The following VAX2 variants were observed in gnomAD, a reference collection of about 807,000 sequenced individuals.
VAX2 encodes ventral anterior homeobox 2.
VAX2 carries 8 observed loss-of-function variants against 12.5 expected under a neutral mutation model. The observed-to-expected ratio is 0.64, with a 90% CI of 0.37 to 1.15. VAX2 has a LOEUF of 1.15. VAX2 is among the 50% of genes most tolerant of loss of function. The pLI is 0.01. For synonymous variants in VAX2, 183 were observed against 187.6 expected (o/e 0.98, Z 0.20); for missense variants, 476 against 412.9 (o/e 1.15, Z -1.32).
At chr2:70,920,227 T>C (rs1438608931) in intron 1 of VAX2, among the ~76,000 whole-genome samples, 1 of 152,200 alleles carries the variant, frequency 6.6e-6, no homozygotes, top group Admixed American at 6.5e-5. Context: ...TAATTTGTAA[T>C]ATAAAATGTT....
At chr2:70,927,745 G>T (rs1380734648) in intron 2 of VAX2, among the ~76,000 whole-genome samples, 1 of 152,028 alleles carries the variant, frequency 6.6e-6, no homozygotes, top group Non-Finnish European at 1.5e-5. Flanking sequence ...TCACAGTGTG[G>T]CCCAGAAAGA....
chr2:70,917,100 G>T (rs532535276), intron 1 of VAX2, among the ~76,000 whole-genome samples: 3 of 142,822 alleles, frequency 2.1e-5, no homozygotes, highest in African/African-American at 8.0e-5. Context: ...GCAGTGAGCC[G>T]AGATCGCGCC....
In VAX2 at chr2:70,904,196, G is replaced by T. The variant is rs1678999134; in HGVS notation, c.247+3328G>T. On this transcript the variant is annotated intron_variant, in intron 1 of 2. Transcript: ENST00000234392. The surrounding 1 kb of genome is among the most constrained non-coding windows in gnomAD (Gnocchi z 4.2). ...CAGTCCCTAGACCAGTGAGGGCGGG[G>T]ACGGGGAAATCCTTTTGTTTTATAT... 6.6e-6 allele frequency among the ~76,000 whole-genome samples: 1 copy of T among 152,240 alleles called. No individual in the cohort carries two copies. Among genetic ancestry groups the T allele is most frequent in the African/African-American group, 2.4e-5 (1 of 41,472 alleles).
At chr2:70,922,462 A>C (rs1679480316) in intron 2 of VAX2, among the ~76,000 whole-genome samples, 1 of 152,078 alleles carries the variant, frequency 6.6e-6, no homozygotes, top group African/African-American at 2.4e-5. Context: ...CCTCAGCATA[A>C]TTCCTCCAGC....
intron 1 of VAX2, among the ~76,000 whole-genome samples, chr2:70,908,495 T>A (rs550105259): frequency 6.6e-6 from 1 of 152,372 alleles, no homozygotes; most frequent in African/African-American, 2.4e-5. Flanking sequence ...GTTTTTTTTA[T>A]AGATGCATAA....
In VAX2 at chr2:70,928,567, G is replaced by A. The variant is rs112530492; in HGVS notation, c.436-4200G>A. ...CCAAACCCAGCACCAGCCCACACCC[G>A]CCTCTCCTTGCTACACCCAGAGCTG... On this transcript the variant is annotated intron_variant, in intron 2 of 2. Transcript: ENST00000234392. 6.2e-4 allele frequency among the ~76,000 whole-genome samples: 95 copies of A among 152,268 alleles called. 1 individual carries two copies. Among genetic ancestry groups the A allele is most frequent in the African/African-American group, 1.6e-3 (66 of 41,552 alleles).
At chr2:70,927,244 A>T (rs1679594116) in intron 2 of VAX2, among the ~76,000 whole-genome samples, 1 of 151,982 alleles carries the variant, frequency 6.6e-6, no homozygotes, top group Non-Finnish European at 1.5e-5. Context: ...GTGGCTGCAG[A>T]GGAAAGGAAG....
rs1439310105 is a variant in VAX2 at position 70,900,768 on chromosome 2, C to T, written c.147C>T (p.Thr49=). 7.4e-6 allele frequency: 11 copies of T among 1,496,068 alleles called. No individual in the cohort carries two copies. In the African/African-American group the frequency reaches 1.1e-4, roughly 16 times the overall value. 92.7% of individuals were successfully genotyped at this position (1,496,068 alleles called of 1,614,324 possible). The change falls in exon 1 of 3, where the codon ACC becomes ACT. Residue 49 remains threonine (T), a synonymous_variant. Transcript: ENST00000234392. ...ACAGCCCAACGGAGGTGGCCGGGACCTCAGCCTCCAGTCCCGCAGGCTCCA... is the reference window on the plus strand; with the variant it reads ...ACAGCCCAACGGAGGTGGCCGGGACTTCAGCCTCCAGTCCCGCAGGCTCCA... ...GGHSPTEVAG[T]SASSPAGSRE... is the part of the protein sequence containing the mutation.
chr2:70,928,087 G>A (rs577799022), intron 2 of VAX2, among the ~76,000 whole-genome samples: 1 of 152,308 alleles, frequency 6.6e-6, no homozygotes, highest in East Asian at 1.9e-4. Flanking sequence ...AGGTTTCCTG[G>A]GGCAGGAGGG....
chr2:70,929,249 A>G (rs1679638030), intron 2 of VAX2, among the ~76,000 whole-genome samples: 2 of 152,222 alleles, frequency 1.3e-5, no homozygotes. Flanking sequence ...CCATTCCATT[A>G]ACAAAACAGT....
At chr2:70,924,412 C>G (rs1553413280) in intron 2 of VAX2, 1 of 151,960 alleles carries the variant, frequency 6.6e-6, no homozygotes, top group African/African-American at 2.4e-5. Context: ...CCTAGGCTGG[C>G]CTGGAACTCC....
chr2:70,900,865 C>CGA lies in VAX2; in HGVS notation c.246_247dup (p.Asp83GlufsTer58). On this transcript the variant is annotated frameshift_variant, in exon 1 of 3. Coordinates refer to ENST00000234392, the MANE Select transcript of VAX2 (RefSeq NM_012476.3). LOFTEE classifies it high-confidence loss of function. ...AGACCACTGCCGCCGCATACTGGTG[C>CGA]GAGGTAAGGGGACAGCCCGCGGCCC... 1.4e-6 allele frequency: 2 copies of CGA among 1,417,344 alleles called. No homozygotes were observed. Among genetic ancestry groups the CGA allele is most frequent in the Non-Finnish European group, 1.8e-6 (2 of 1,081,600 alleles). 87.8% of individuals were successfully genotyped at this position (1,417,344 alleles called of 1,614,324 possible).
At chr2:70,923,542 C>G (rs1238685265) in intron 2 of VAX2, among the ~76,000 whole-genome samples, 1 of 152,238 alleles carries the variant, frequency 6.6e-6, no homozygotes, top group East Asian at 1.9e-4. Flanking sequence ...ACAGCAGACT[C>G]AAGTTCCAGG....
Position 70,933,078 on chromosome 2 carries a change from CT to C in VAX2, c.751del (p.Ser251ProfsTer25). ...TGCCGCCCCCTCTGCCAGCTGTCTG[CT>C]TTTCCTCGGCCCCGCTCCTGGATCT... Reference protein sequence around the residue: ...PLPPPLPAVCFSSAPLLDLPA... With the variant: ...PLPPPLPAVCXSSAPLLDLPA... On this transcript the variant is annotated frameshift_variant, in exon 3 of 3. Transcript: ENST00000234392. LOFTEE classifies it high-confidence loss of function. 6.2e-7 allele frequency: 1 copy of C among 1,609,642 alleles called. No individual in the cohort carries two copies. The highest frequency in any genetic ancestry group is 1.7e-5 in the Admixed American group (1 of 59,440).
At chr2:70,909,355 T>C (rs2104762906) in intron 1 of VAX2, among the ~76,000 whole-genome samples, 1 of 151,898 alleles carries the variant, frequency 6.6e-6, no homozygotes, top group East Asian at 1.9e-4. Flanking sequence ...ATTTATTTTC[T>C]TTAATTTTTT....
chr2:70,910,594 G>A (rs1679160251), intron 1 of VAX2, among the ~76,000 whole-genome samples: 1 of 151,960 alleles, frequency 6.6e-6, no homozygotes, highest in Non-Finnish European at 1.5e-5. Flanking sequence ...AATTGCTAGT[G>A]AGGTTAAGCA....
rs544016828 is a variant in VAX2 at position 70,927,506 on chromosome 2, C to T, written c.436-5261C>T. Among the ~76,000 whole-genome samples, 39 of 150,460 alleles carry T rather than the reference C, an allele frequency of 2.6e-4. No individual in the cohort carries two copies. The South Asian group carries it at 8.1e-3, about 31-fold the overall frequency. On this transcript the variant is annotated intron_variant, in intron 2 of 2. Coordinates refer to ENST00000234392, the MANE Select transcript of VAX2 (RefSeq NM_012476.3). ...CCTTCCTAGTGCAGATTACAAAAAC[C>T]AAGCCATCCTAGATACACAGATACC...
rs782718345 is a variant in VAX2, at chr2:70,921,189, G to C, written c.339G>C (p.Gln113His). 6.2e-7 allele frequency: 1 copy of C among 1,613,768 alleles called. No homozygotes were observed. The highest frequency in any genetic ancestry group is 2.2e-5 in the East Asian group (1 of 44,860). Residue 113 changes from glutamine to histidine, a missense_variant, in exon 2 of 3, where the codon CAG (glutamine) becomes CAC (histidine). Coordinates refer to ENST00000234392, the MANE Select transcript of VAX2 (RefSeq NM_012476.3). ...CACGTACATCCTTCACTGCCGAGCA[G>C]CTGTACCGCCTGGAGATGGAGTTCC... ...KRTRTSFTAE[Q>H]LYRLEMEFQR...
intron 2 of VAX2, among the ~76,000 whole-genome samples, chr2:70,926,671 T>C (rs1019900985): frequency 2.6e-5 from 4 of 152,124 alleles, no homozygotes; most frequent in Non-Finnish European, 4.4e-5. Context: ...ATATTTTTTG[T>C]TCCAGGTGAT....
Sources: allele counts gnomAD v4.1 joint callset (sites outside exome capture counted in the v4.1 genomes callset), GRCh38; gene constraint gnomAD v4.1.1; non-coding constraint Gnocchi (gnomAD v3.1); transcripts MANE v1.5; gene names NCBI Gene and HGNC (gene_info 2026-07-23, HGNC 2026-07-21).